Variants in ATP9B observed in about 807,000 individuals in gnomAD.
ATP9B encodes ATPase phospholipid transporting 9B, also known as probable phospholipid-transporting ATPase IIB.
Under a neutral mutation model 146.1 loss-of-function variants are expected in ATP9B, and 110 were observed. That is an observed-to-expected ratio of 0.75 (90% CI 0.65 to 0.88). The LOEUF is 0.88. Among genes scored for constraint, ATP9B ranks in the 40% least tolerant of loss-of-function variants. The probability of loss-of-function intolerance (pLI) is 0.00; values close to 1 mark genes in which losing one functional copy is unlikely to be tolerated. For synonymous variants in ATP9B, 604 were observed against 569.7 expected, an observed-to-expected ratio of 1.06 and a Z score of -0.86; for missense variants, 1,499 against 1,496.4, an observed-to-expected ratio of 1.00 and a Z score of -0.03.
intron 9 of ATP9B, among the ~76,000 whole-genome samples, chr18:79,199,933 G>A (rs1196602745): frequency 6.6e-6 from 1 of 152,152 alleles, no homozygotes; most frequent in Non-Finnish European, 1.5e-5. Context: ...TTTTCTGGCA[G>A]AACCCTGGAA....
chr18:79,140,712 G>A (rs35517554), intron 5 of ATP9B, among the ~76,000 whole-genome samples: 9,251 of 152,134 alleles, frequency 0.061, 356 homozygotes, highest in Non-Finnish European at 0.092. Flanking sequence ...CCCTGGAGGC[G>A]GAGGTTGCAG....
At chr18:79,263,770 C>T (rs561219110) in intron 12 of ATP9B, among the ~76,000 whole-genome samples, 119 of 152,302 alleles carry the variant, frequency 7.8e-4, no homozygotes, top group African/African-American at 2.8e-3. Flanking sequence ...GTACTCCACA[C>T]GTTAGCACCC....
chr18:79,232,959 A>G (rs2095805764), intron 11 of ATP9B, among the ~76,000 whole-genome samples: 1 of 152,200 alleles, frequency 6.6e-6, no homozygotes. Context: ...GAAAAATAAA[A>G]AGAACAAAAC....
intron 2 of ATP9B, among the ~76,000 whole-genome samples, chr18:79,097,115 G>A (rs1013377588): frequency 3.4e-5 from 5 of 148,944 alleles, no homozygotes; most frequent in Non-Finnish European, 5.9e-5. Flanking sequence ...CCGAGATCGA[G>A]CCACTGCACT....
At chr18:79,323,161 A>G (rs939241533) in intron 15 of ATP9B, among the ~76,000 whole-genome samples, 2 of 149,588 alleles carry the variant, frequency 1.3e-5, no homozygotes, top group African/African-American at 4.9e-5. Flanking sequence ...GCTTCGCGTT[A>G]GTAATCCTCC....
At chr18:79,335,026 G>A (rs2096815266) in intron 17 of ATP9B, among the ~76,000 whole-genome samples, 1 of 150,934 alleles carries the variant, frequency 6.6e-6, no homozygotes, top group Non-Finnish European at 1.5e-5. Flanking sequence ...GTCCCTCTGG[G>A]TGTCCTTCAC....
At chr18:79,290,572 G>A (rs1306290246) in intron 13 of ATP9B, among the ~76,000 whole-genome samples, 1 of 152,180 alleles carries the variant, frequency 6.6e-6, no homozygotes, top group Non-Finnish European at 1.5e-5. Context: ...CTTCCCGAGT[G>A]AGGCAATGCC....
chr18:79,144,706 G>T (rs1193846448), intron 6 of ATP9B: 3 of 151,596 alleles, frequency 2.0e-5, no homozygotes, highest in South Asian at 4.1e-4. Flanking sequence ...TATCTAAATA[G>T]TTATACTGTC....
intron 1 of ATP9B, among the ~76,000 whole-genome samples, chr18:79,075,937 A>T (rs1165005950): frequency 6.6e-6 from 1 of 152,002 alleles, no homozygotes; most frequent in African/African-American, 2.4e-5. Context: ...CTTTGTGTAG[A>T]TATTACTTAG....
intron 19 of ATP9B, among the ~76,000 whole-genome samples, chr18:79,337,736 A>G (rs558616828): frequency 1.6e-4 from 25 of 152,266 alleles, no homozygotes; most frequent in African/African-American, 5.5e-4. Context: ...GGCGATGTCA[A>G]ACTGCCACAT....
intron 2 of ATP9B, 36 bp downstream of exon 2, chr18:79,096,685 C>G (rs1364876673): frequency 6.5e-7 from 1 of 1,528,146 alleles, no homozygotes; most frequent in Admixed American, 1.9e-5. Flanking sequence ...TCCTTATATG[C>G]TAAGGTTACT....
At chr18:79,106,695 A>G (rs2075673219) in intron 2 of ATP9B, among the ~76,000 whole-genome samples, 1 of 152,242 alleles carries the variant, frequency 6.6e-6, no homozygotes, top group Non-Finnish European at 1.5e-5. Context: ...TAGGCATCTT[A>G]GATTTACTGG....
At position 79,191,159 on chromosome 18, in the gene ATP9B, A is replaced by G. The variant is rs564787275; in HGVS notation, c.874-2024A>G. Among the ~76,000 whole-genome samples, 9 of 152,050 alleles carry G rather than the reference A, an allele frequency of 5.9e-5. No homozygotes were observed. In the South Asian group the frequency reaches 1.7e-3, roughly 28 times the overall value. On this transcript the variant is annotated intron_variant, in intron 8 of 29. Coordinates refer to ENST00000426216, the MANE Select transcript of ATP9B (RefSeq NM_198531.5). ...CCCCTCACTTTAAATATTTTGTTCC[A>G]TTGTCTTCTGACTCCATTATTTATA...
chr18:79,310,798 T>C (rs1394838819), intron 15 of ATP9B, among the ~76,000 whole-genome samples: 1 of 151,418 alleles, frequency 6.6e-6, no homozygotes, highest in Non-Finnish European at 1.5e-5. Context: ...TTTTTTTTTG[T>C]TTCCTTTTTA....
Position 79,307,254 on chromosome 18 carries a change from C to T in ATP9B, c.1773+20C>T, listed in dbSNP as rs779514181. 6 of 1,613,768 alleles carry T rather than the reference C, an allele frequency of 3.7e-6. No individual in the cohort carries two copies. The highest frequency in any genetic ancestry group is 2.7e-5 in the African/African-American group (2 of 75,044). ...GATGAGGTCAGTCAAAGCACAAAAC[C>T]GTGGGAGCTTGTCCGTTCCATTTGG... is the stretch of plus-strand genomic sequence containing the variant. On this transcript the variant is annotated intron_variant, in intron 15 of 29. Transcript: ENST00000426216.
At chr18:79,142,572 G>A (rs549048546) in intron 5 of ATP9B, among the ~76,000 whole-genome samples, 1 of 152,250 alleles carries the variant, frequency 6.6e-6, no homozygotes, top group African/African-American at 2.4e-5. Context: ...CAGTGGGGGA[G>A]GAGGCCTGAA....
At chr18:79,246,746 C>T (rs570894210) in intron 11 of ATP9B, among the ~76,000 whole-genome samples, 2 of 152,224 alleles carry the variant, frequency 1.3e-5, no homozygotes, top group South Asian at 4.1e-4. Flanking sequence ...CTGGCTTCCC[C>T]TCCCAGCCGC....
intron 5 of ATP9B, among the ~76,000 whole-genome samples, chr18:79,128,052 CTTTT>C (rs1173565651): frequency 2.1e-4 from 15 of 71,680 alleles, no homozygotes; most frequent in African/African-American, 7.4e-4. Flanking sequence ...CCTTTGCCGA[CTTTT>C]TTTTTTTTTT....
chr18:79,261,572 A>G (rs952744755), intron 12 of ATP9B, among the ~76,000 whole-genome samples: 5 of 152,114 alleles, frequency 3.3e-5, no homozygotes, highest in African/African-American at 1.2e-4. Context: ...CGACCAGTCC[A>G]GGAGGAAACA....
Sources: allele counts gnomAD v4.1 joint callset (sites outside exome capture counted in the v4.1 genomes callset), GRCh38; gene constraint gnomAD v4.1.1; transcripts MANE v1.5; gene names NCBI Gene and HGNC (gene_info 2026-07-23, HGNC 2026-07-21).